CDIN1: variants seen among roughly 807,000 people sequenced by gnomAD.
CDIN1 encodes the protein CDAN1-interacting nuclease 1.
A neutral mutation model predicts 45.3 loss-of-function variants in CDIN1; 33 were observed. The observed-to-expected ratio is 0.73, with a 90% CI of 0.55 to 0.97. The LOEUF is 0.97. Ranked by LOEUF, CDIN1 falls within the 50% of genes least tolerant of loss-of-function variation. CDIN1 has a pLI of 0.00. For missense variants in CDIN1, 303 were observed against 339.4 expected, an observed-to-expected ratio of 0.89 and a Z score of 0.84; for synonymous variants, 118 against 124.4, an observed-to-expected ratio of 0.95 and a Z score of 0.34.
At chr15:36,636,003 G>A (rs765759980) in intron 1 of CDIN1, among the ~76,000 whole-genome samples, 5 of 152,078 alleles carry the variant, frequency 3.3e-5, no homozygotes, top group South Asian at 2.1e-4. Context: ...TGGGAGTCTC[G>A]GGGAGGAGCT....
chr15:36,808,484 GA>G lies in CDIN1; in HGVS notation c.*35del. On this transcript the variant is annotated 3_prime_UTR_variant, in exon 11 of 11. Coordinates refer to ENST00000566621, the MANE Select transcript of CDIN1 (RefSeq NM_001321759.2). ...AAGATCCTGGAAGAGAAGCTGGGAG[GA>G]AAAGGTGAATCCGGAAGCAATTTTA... is the stretch of plus-strand genomic sequence containing the variant. 6.2e-7 allele frequency: 1 copy of G among 1,611,590 alleles called. No homozygotes were observed. The highest frequency in any genetic ancestry group is 1.3e-5 in the African/African-American group (1 of 74,988).
At chr15:36,658,617 A>G (rs1457149699) in intron 5 of CDIN1, among the ~76,000 whole-genome samples, 3 of 152,090 alleles carry the variant, frequency 2.0e-5, no homozygotes, top group Non-Finnish European at 2.9e-5. Flanking sequence ...AAAAAAGACA[A>G]TTTCATCTTC....
chr15:36,767,323 G>A (rs577794603), intron 10 of CDIN1, among the ~76,000 whole-genome samples: 33 of 152,218 alleles, frequency 2.2e-4, no homozygotes, highest in Admixed American at 6.5e-4. Flanking sequence ...GTATTTTTGG[G>A]CTTCCTGAGT....
At chr15:36,793,410 T>C (rs1296433480) in intron 10 of CDIN1, among the ~76,000 whole-genome samples, 2 of 152,192 alleles carry the variant, frequency 1.3e-5, no homozygotes, top group Non-Finnish European at 2.9e-5. Flanking sequence ...AGGTCCATGC[T>C]GTCAGTCCCT....
chr15:36,617,423 C>T, intron 1 of CDIN1: 2 of 1,267,920 alleles, frequency 1.6e-6, no homozygotes, highest in Admixed American at 1.7e-5. Context: ...GAAAGCAATT[C>T]AGCAATTTCT....
chr15:36,691,648 G>A, intron 5 of CDIN1, 37 bp from the exon 6 acceptor site: 1 of 1,362,858 alleles, frequency 7.3e-7, no homozygotes, highest in Non-Finnish European at 1.0e-6. Context: ...AAAGTATGTT[G>A]ACTATCTGCT....
chr15:36,616,470 C>T (rs893087819), intron 1 of CDIN1, among the ~76,000 whole-genome samples: 4 of 151,920 alleles, frequency 2.6e-5, no homozygotes, highest in Admixed American at 6.6e-5. Context: ...TTAGTAGAGA[C>T]GGAGTTTCTT....
chr15:36,688,244 A>G (rs2042128796), intron 5 of CDIN1, among the ~76,000 whole-genome samples: 1 of 151,902 alleles, frequency 6.6e-6, no homozygotes, highest in South Asian at 2.1e-4. Context: ...CTCTAGCAAG[A>G]CTGAGAAATT....
intron 5 of CDIN1, among the ~76,000 whole-genome samples, chr15:36,680,512 G>A (rs149454058): frequency 6.4e-4 from 97 of 152,196 alleles, no homozygotes; most frequent in African/African-American, 2.3e-3. Context: ...ATGTGACCAG[G>A]TATAAACAAG....
At position 36,793,830 on chromosome 15, in the gene CDIN1, C is replaced by G. The variant is rs2054712202; in HGVS notation, c.717-14494C>G. Among the ~76,000 whole-genome samples, 3 of 152,192 alleles carry G rather than the reference C, an allele frequency of 2.0e-5. No individual in the cohort carries two copies. In the East Asian group the frequency reaches 5.8e-4, roughly 29 times the overall value. On this transcript the variant is annotated intron_variant, in intron 10 of 10. Coordinates refer to ENST00000566621, the MANE Select transcript of CDIN1 (RefSeq NM_001321759.2). Reference sequence around the variant, plus strand: ...AAAACCCCATTGTGTGATCCCCACTCTGCCTTAAAGGCCAGCATCAGTGTC... The same window carrying G: ...AAAACCCCATTGTGTGATCCCCACTGTGCCTTAAAGGCCAGCATCAGTGTC...
chr15:36,606,405 C>G (rs1218136716), intron 1 of CDIN1, among the ~76,000 whole-genome samples: 10 of 152,146 alleles, frequency 6.6e-5, no homozygotes, highest in Non-Finnish European at 1.5e-4. Context: ...AAGTTTGGGA[C>G]TCTGCACACA....
chr15:36,786,312 A>T (rs1338928998), intron 10 of CDIN1, among the ~76,000 whole-genome samples: 2 of 152,212 alleles, frequency 1.3e-5, no homozygotes, highest in Non-Finnish European at 2.9e-5. Flanking sequence ...TATGTTCCTT[A>T]TCACCTTCTA....
intron 10 of CDIN1, among the ~76,000 whole-genome samples, chr15:36,760,945 G>T (rs910938104): frequency 6.6e-6 from 1 of 152,068 alleles, no homozygotes; most frequent in African/African-American, 2.4e-5. Context: ...CAGCACCCTG[G>T]CCCAAGTCAG....
At chr15:36,701,122 G>GTAGATAGA (rs200063950) in intron 8 of CDIN1, among the ~76,000 whole-genome samples, 1,320 of 103,832 alleles carry the variant, frequency 0.013, 17 homozygotes, top group South Asian at 0.023. Flanking sequence ...AGATAGGTAG[G>GTAGATAGA]TAGATAGATA....
intron 10 of CDIN1, among the ~76,000 whole-genome samples, chr15:36,800,659 T>C (rs2054981253): frequency 6.6e-6 from 1 of 151,612 alleles, no homozygotes; most frequent in Admixed American, 6.6e-5. Context: ...TACAAGATGT[T>C]TTATGTTTCT....
At chr15:36,636,319 A>G in intron 1 of CDIN1, among the ~76,000 whole-genome samples, 1 of 152,074 alleles carries the variant, frequency 6.6e-6, no homozygotes, top group South Asian at 2.1e-4. Context: ...TTGGGAGGCC[A>G]AGGTGGGAGG....
chr15:36,699,427 T>C (rs1188472413), intron 8 of CDIN1, among the ~76,000 whole-genome samples: 3 of 152,146 alleles, frequency 2.0e-5, no homozygotes, highest in Non-Finnish European at 2.9e-5. Context: ...CTAATCTTAG[T>C]CTTTCTTGTT....
chr15:36,764,349 A>T (rs2053856222), intron 10 of CDIN1, among the ~76,000 whole-genome samples: 1 of 151,764 alleles, frequency 6.6e-6, no homozygotes. Flanking sequence ...ATGCCAAAAG[A>T]CTCATTTATC....
Position 36,679,497 on chromosome 15 carries a change from C to A in CDIN1, c.347-12188C>A, listed in dbSNP as rs183626454. On this transcript the variant is annotated intron_variant, in intron 5 of 10. Transcript: ENST00000566621. ...ATGACTAGTAGCTGGAAGAGCCAGG[C>A]CTCGAACCAAGTCTGTCTGATTCTA... Among the ~76,000 whole-genome samples, 61 of 152,274 alleles carry A rather than the reference C, an allele frequency of 4.0e-4. No individual in the cohort carries two copies. The East Asian group carries it at 0.011, about 28-fold the overall frequency.
Sources: gnomAD v4.1 joint callset for allele counts (sites outside exome capture counted in the v4.1 genomes callset) on GRCh38, gnomAD v4.1.1 for gene constraint, MANE v1.5 for transcripts, NCBI Gene and HGNC (gene_info 2026-07-23, HGNC 2026-07-21) for gene names.